Variants in DNAH14 observed in about 807,000 individuals in gnomAD.
DNAH14 encodes the protein axonemal beta dynein heavy chain 14.
A neutral mutation model predicts 520.9 loss-of-function variants in DNAH14; 478 were observed. The ratio of observed to expected loss-of-function variants is 0.92; its 90% confidence interval spans 0.85 to 0.99. DNAH14 has a LOEUF of 0.99. Ranked by LOEUF, DNAH14 falls within the 50% of genes least tolerant of loss-of-function variation. DNAH14 has a pLI of 0.00. For missense variants in DNAH14, 4,831 were observed against 5,234.5 expected, an observed-to-expected ratio of 0.92 and a Z score of 2.38; for synonymous variants, 1,581 against 1,757.2, an observed-to-expected ratio of 0.90 and a Z score of 2.51.
intron 8 of DNAH14, among the ~76,000 whole-genome samples, chr1:224,996,954 C>T (rs913666804): frequency 1.3e-5 from 2 of 152,066 alleles, no homozygotes; most frequent in South Asian, 2.1e-4. Flanking sequence ...ATTTCTCTCT[C>T]TGTGGGGTGT....
intron 52 of DNAH14, among the ~76,000 whole-genome samples, chr1:225,273,938 C>T (rs2093385048): frequency 6.6e-6 from 1 of 152,182 alleles, no homozygotes; most frequent in Admixed American, 6.5e-5. Flanking sequence ...TCTGTCTTCT[C>T]TGGTGGTGCC....
intron 75 of DNAH14, among the ~76,000 whole-genome samples, chr1:225,362,584 A>AAC (rs2095505399): frequency 1.3e-5 from 2 of 151,956 alleles, no homozygotes. Context: ...CAAAAAAAAA[A>AAC]AAAAATGCTC....
At chr1:225,144,765 A>G in intron 29 of DNAH14, 137 bp downstream of exon 29, 2 of 695,186 alleles carry the variant, frequency 2.9e-6, no homozygotes, top group Non-Finnish European at 4.7e-6. Context: ...ACTCACATAT[A>G]ATTAATTCAT....
chr1:225,260,605 CT>C (rs76332468), intron 46 of DNAH14, among the ~76,000 whole-genome samples: 25,703 of 149,154 alleles, frequency 0.17, 2,584 homozygotes, highest in African/African-American at 0.26. Flanking sequence ...ATGCCACAAG[CT>C]TTTTTTTTTC....
Position 225,346,544 on chromosome 1 carries a change from A to G in DNAH14, c.11186A>G (p.Asn3729Ser). ...TVIMQNNANG[N>S]LIQDDIGFLP... ...ATCATGCAAAACAATGCTAATGGAA[A>G]TCTAATACAGGATGACATTGGATTC... The change falls in exon 71 of 86, where the codon AAT becomes AGT. Residue 3729 changes from asparagine to serine, a missense_variant. Coordinates refer to ENST00000682510, the MANE Select transcript of DNAH14 (RefSeq NM_001367479.1). 6.4e-7 allele frequency: 1 copy of G among 1,551,364 alleles called. No individual in the cohort carries two copies. The highest frequency in any genetic ancestry group is 8.7e-7 in the Non-Finnish European group (1 of 1,146,786).
intron 36 of DNAH14, among the ~76,000 whole-genome samples, chr1:225,172,518 T>A (rs1025113129): frequency 9.9e-5 from 15 of 152,132 alleles, no homozygotes; most frequent in African/African-American, 3.4e-4. Context: ...TCACAATTGC[T>A]TCAAAGAGAA....
chr1:225,171,471 A>G (rs1472213243), intron 36 of DNAH14, among the ~76,000 whole-genome samples: 1 of 152,206 alleles, frequency 6.6e-6, no homozygotes, highest in Non-Finnish European at 1.5e-5. Context: ...ACAAACTACC[A>G]TCAGAGAATA....
chr1:225,305,214 A>C, intron 58 of DNAH14, 125 bp downstream of exon 58: 1 of 1,109,708 alleles, frequency 9.0e-7, no homozygotes, highest in Non-Finnish European at 1.3e-6. Context: ...CAGAAGCTGC[A>C]GAAGATCTTA....
intron 36 of DNAH14, among the ~76,000 whole-genome samples, chr1:225,169,486 C>T (rs569035521): frequency 3.9e-5 from 6 of 152,256 alleles, no homozygotes; most frequent in East Asian, 1.9e-4. Context: ...GGCACGAGAA[C>T]GATGTGACGC....
chr1:225,051,123 T>C (rs1384022199), intron 16 of DNAH14, among the ~76,000 whole-genome samples: 1 of 152,174 alleles, frequency 6.6e-6, no homozygotes, highest in Admixed American at 6.5e-5. Flanking sequence ...GGACTGGCCT[T>C]TTCTAGGGCT....
At chr1:225,045,029 C>T (rs1221718489) in intron 15 of DNAH14, among the ~76,000 whole-genome samples, 2 of 151,982 alleles carry the variant, frequency 1.3e-5, no homozygotes, top group Non-Finnish European at 2.9e-5. Context: ...TGATTTCTGT[C>T]TAGTAATTTA....
At chr1:225,135,269 T>C (rs1274573017) in intron 27 of DNAH14, among the ~76,000 whole-genome samples, 1 of 152,098 alleles carries the variant, frequency 6.6e-6, no homozygotes, top group Non-Finnish European at 1.5e-5. Flanking sequence ...GAGGTCTCTC[T>C]AGCTTTCTGA....
In DNAH14 at chr1:225,374,145, CTATATATATATA is replaced by C. The variant is rs71170080; in HGVS notation, c.12319-516_12319-505del. On this transcript the variant is annotated intron_variant, in intron 77 of 85. Transcript: ENST00000682510. ...TGTATGTCCCAATATTTGTGTCTTA[CTATATATATATA>C]TATATATATATATATATATATATAT... Among the ~76,000 whole-genome samples the C allele has an allele frequency of 6.1e-3, 200 of 33,054 alleles. 27 individuals are homozygous for C. The highest frequency in any genetic ancestry group is 0.04 in the South Asian group (20 of 504). The allele number at this position is 33,054 out of a possible 152,430, so 21.7% of individuals were successfully genotyped here. A position where few individuals can be genotyped will look rare whatever the true frequency, so the allele number is the denominator to read the frequency against.
Position 225,211,518 on chromosome 1 carries a change from C to T in DNAH14, c.6439+4298C>T, listed in dbSNP as rs973505519. Among the ~76,000 whole-genome samples the T allele has an allele frequency of 3.9e-5, 6 of 152,286 alleles. No homozygotes were observed. In the East Asian group the frequency reaches 1.2e-3, roughly 29 times the overall value. On this transcript the variant is annotated intron_variant, in intron 41 of 85. Coordinates refer to ENST00000682510, the MANE Select transcript of DNAH14 (RefSeq NM_001367479.1). ...GAACTATGTGAAAAGACCAAACCTACATTTGATTGGTGTACCTGAAAGTGG... is the reference window on the plus strand; with the variant it reads ...GAACTATGTGAAAAGACCAAACCTATATTTGATTGGTGTACCTGAAAGTGG...
At chr1:225,231,754 T>C (rs664855) in intron 42 of DNAH14, among the ~76,000 whole-genome samples, 49,401 of 151,984 alleles carry the variant, frequency 0.33, 9,414 homozygotes, top group East Asian at 0.61. Context: ...ATCTACGTCT[T>C]GATTATGGCA....
At position 225,312,465 on chromosome 1, in the gene DNAH14, G is replaced by C. The variant is rs1190619361; in HGVS notation, c.9240+4055G>C. 2.0e-5 allele frequency among the ~76,000 whole-genome samples: 3 copies of C among 152,128 alleles called. No individual in the cohort carries two copies. In the East Asian group the frequency reaches 5.8e-4, roughly 29 times the overall value. On this transcript the variant is annotated intron_variant, in intron 60 of 85. Coordinates refer to ENST00000682510, the MANE Select transcript of DNAH14 (RefSeq NM_001367479.1). Reference sequence around the variant, plus strand: ...TTCTCTCGCCTGATTGTCCTGGGCAGATCTTCCAATATTATATTGAATAGG... The same window carrying C: ...TTCTCTCGCCTGATTGTCCTGGGCACATCTTCCAATATTATATTGAATAGG...
Position 225,117,645 on chromosome 1 carries a change from G to A in DNAH14, c.3868-39G>A, listed in dbSNP as rs1192134472. On this transcript the variant is annotated intron_variant, in intron 23 of 85. Transcript: ENST00000682510. Reference sequence around the variant, plus strand: ...AGGATGTAATTCATATCATAATTAAGCATATATTCTGAATTGCATTTCTTT... The same window carrying A: ...AGGATGTAATTCATATCATAATTAAACATATATTCTGAATTGCATTTCTTT... The A allele has an allele frequency of 3.3e-6, 4 of 1,212,410 alleles. No homozygotes were observed. The Admixed American group carries it at 6.3e-5, about 19-fold the overall frequency. 75.1% of individuals were successfully genotyped at this position (1,212,410 alleles called of 1,614,324 possible).
rs1439408683 is a variant in DNAH14, at chr1:225,308,275, G to T, written c.9115-10G>T. The T allele has an allele frequency of 6.5e-7, 1 of 1,531,556 alleles. No homozygotes were observed. Among genetic ancestry groups the T allele is most frequent in the East Asian group, 2.5e-5 (1 of 40,372 alleles). 94.9% of individuals were successfully genotyped at this position (1,531,556 alleles called of 1,614,324 possible). Reference sequence around the variant, plus strand: ...AAATTCATTCTAAGAACAATTATGTGCTTCATTAGGAAACAGAAACTCTAA... The same window carrying T: ...AAATTCATTCTAAGAACAATTATGTTCTTCATTAGGAAACAGAAACTCTAA... On this transcript the variant is annotated splice_polypyrimidine_tract_variant and intron_variant, in intron 59 of 85. Coordinates refer to ENST00000682510, the MANE Select transcript of DNAH14 (RefSeq NM_001367479.1).
intron 8 of DNAH14, among the ~76,000 whole-genome samples, chr1:224,995,016 C>T (rs140527815): frequency 1.3e-3 from 194 of 152,092 alleles, no homozygotes; most frequent in African/African-American, 4.3e-3. Context: ...TATCCACTGA[C>T]GAATTATTTT....
Sources: gnomAD v4.1 joint callset for allele counts (sites outside exome capture counted in the v4.1 genomes callset) on GRCh38, gnomAD v4.1.1 for gene constraint, MANE v1.5 for transcripts, NCBI Gene and HGNC (gene_info 2026-07-23, HGNC 2026-07-21) for gene names.